ZFPM1: variants seen among roughly 807,000 people sequenced by gnomAD.
ZFPM1 encodes zinc finger protein, FOG family member 1.
A neutral mutation model predicts 46.3 loss-of-function variants in ZFPM1; 28 were observed. The ratio of observed to expected loss-of-function variants is 0.60; its 90% CI spans 0.45 to 0.83. ZFPM1 has a LOEUF of 0.83. Ranked by LOEUF, ZFPM1 falls within the 40% of genes least tolerant of loss-of-function variation. The probability of loss-of-function intolerance (pLI) is 0.00; values close to 1 mark genes in which losing one functional copy is unlikely to be tolerated. For synonymous variants in ZFPM1, 957 were observed against 675.9 expected (o/e 1.42, Z -6.45); for missense variants, 1,878 against 1,432.4 (o/e 1.31, Z -5.02).
At chr16:88,462,653 C>T (rs1406340725) in intron 1 of ZFPM1, among the ~76,000 whole-genome samples, 3 of 152,178 alleles carry the variant, frequency 2.0e-5, no homozygotes, top group African/African-American at 7.2e-5. Context: ...CCCTGTGGGC[C>T]GCCATGGTTG....
At chr16:88,526,713 G>A (rs555085114) in intron 4 of ZFPM1, 101 bp from the exon 5 acceptor site, 25 of 1,295,272 alleles carry the variant, frequency 1.9e-5, no homozygotes, top group South Asian at 5.6e-5. Context: ...CAGCCAAGCC[G>A]GGAGGCAGAT....
In ZFPM1 at chr16:88,469,636, G is replaced by A. The variant is rs553686749; in HGVS notation, c.40+15958G>A. 6.6e-6 allele frequency among the ~76,000 whole-genome samples: 1 copy of A among 152,344 alleles called. No individual in the cohort carries two copies. Among genetic ancestry groups the A allele is most frequent in the South Asian group, 2.1e-4 (1 of 4,830 alleles). ...TGGGTCTTGCTGGCAAGACCAGGAT[G>A]AGGCAGGCTCCGCCGGCCTGAGACC... On this transcript the variant is annotated intron_variant, in intron 1 of 9. Coordinates refer to ENST00000319555, the MANE Select transcript of ZFPM1 (RefSeq NM_153813.3). The surrounding 1 kb of genome is among the most constrained non-coding windows in gnomAD (Gnocchi z 4.3).
At position 88,528,166 on chromosome 16, in the gene ZFPM1, C is replaced by T. The variant is rs768930911; in HGVS notation, c.640C>T (p.Pro214Ser). 6.2e-7 allele frequency: 1 copy of T among 1,609,802 alleles called. No homozygotes were observed. The highest frequency in any genetic ancestry group is 8.5e-7 in the Non-Finnish European group (1 of 1,179,218). Residue 214 changes from proline (P) to serine (S), a missense_variant, in exon 6 of 10, where the codon CCT becomes TCT. Pro to Ser is a moderately conservative substitution (Grantham distance 74, BLOSUM62 -1). Transcript: ENST00000319555. ...KEPAEPTCPA[P>S]AHDLQLLPQQ... ...GCCAGCAGAGCCCACGTGCCCGGCC[C>T]CTGCACACGACCTCCAGCTCCTGCC... is the stretch of plus-strand genomic sequence containing the variant.
chr16:88,482,811 T>C (rs975256807), intron 1 of ZFPM1, among the ~76,000 whole-genome samples: 2 of 152,102 alleles, frequency 1.3e-5, no homozygotes, highest in Non-Finnish European at 2.9e-5. Flanking sequence ...AGCCCGGGCC[T>C]CTAGAAGGGG....
At chr16:88,495,115 C>T (rs1004896994) in intron 3 of ZFPM1, among the ~76,000 whole-genome samples, 7 of 152,194 alleles carry the variant, frequency 4.6e-5, no homozygotes, top group Admixed American at 3.9e-4. Flanking sequence ...ACTCCTGCCT[C>T]GGAAAATGGA....
intron 1 of ZFPM1, among the ~76,000 whole-genome samples, chr16:88,477,347 A>G (rs1242346205): frequency 1.3e-5 from 2 of 152,376 alleles, no homozygotes; most frequent in Non-Finnish European, 1.5e-5. Flanking sequence ...AAGAGAAGCA[A>G]GCACAGATTT....
Position 88,488,906 on chromosome 16 carries a change from G to A in ZFPM1, c.146-125G>A, listed in dbSNP as rs533824184. The A allele has an allele frequency of 3.8e-4, 536 of 1,424,278 alleles. 1 individual carries two copies. The African/African-American group carries it at 6.6e-3, about 18-fold the overall frequency. The allele number at this position is 1,424,278 out of a possible 1,614,324, so 88.2% of individuals were successfully genotyped here. ...CCAGTGAGAGCGCACCAGGAGATGGGGGTGGCTCTGGGCCCGAGCTCCCCA... is the reference window on the plus strand; with the variant it reads ...CCAGTGAGAGCGCACCAGGAGATGGAGGTGGCTCTGGGCCCGAGCTCCCCA... On this transcript the variant is annotated intron_variant, in intron 2 of 9. Transcript: ENST00000319555.
Position 88,532,099 on chromosome 16 carries a change from C to T in ZFPM1, c.810C>T (p.Thr270=), listed in dbSNP as rs911885792. 3.1e-6 allele frequency: 5 copies of T among 1,612,284 alleles called. No individual in the cohort carries two copies. The highest frequency in any genetic ancestry group is 2.7e-5 in the African/African-American group (2 of 74,918). ...LLYYCASRQG[T]GSPAAAATDE... is the part of the protein sequence containing the mutation. ...ACTACTGCGCCAGCCGCCAGGGCAC[C>T]GGCTCCCCGGCCGCAGCCGCCACAG... Residue 270 remains threonine, a synonymous_variant, in exon 7 of 10, where the codon ACC becomes ACT. Transcript: ENST00000319555.
rs959799353 is a variant in ZFPM1, at chr16:88,497,662, G to A, written c.268+8509G>A. 6.6e-6 allele frequency among the ~76,000 whole-genome samples: 1 copy of A among 152,132 alleles called. No homozygotes were observed. The highest frequency in any genetic ancestry group is 1.5e-5 in the Non-Finnish European group (1 of 68,008). On this transcript the variant is annotated intron_variant, in intron 3 of 9. Transcript: ENST00000319555. The surrounding 1 kb of genome is among the most constrained non-coding windows in gnomAD (Gnocchi z 5.4). ...GGGGTGTTCGTGCCGTGAGCGATCCGGTCCAGCATCCCGGCGCTGGGAGCC... is the reference window on the plus strand; with the variant it reads ...GGGGTGTTCGTGCCGTGAGCGATCCAGTCCAGCATCCCGGCGCTGGGAGCC...
chr16:88,511,865 C>G (rs1288600360), intron 3 of ZFPM1, among the ~76,000 whole-genome samples: 1 of 152,178 alleles, frequency 6.6e-6, no homozygotes, highest in Non-Finnish European at 1.5e-5. Context: ...CGTGCACAGC[C>G]CCTTGGAGAC....
chr16:88,519,844 T>C (rs1166024910), intron 4 of ZFPM1, among the ~76,000 whole-genome samples: 1 of 147,468 alleles, frequency 6.8e-6, no homozygotes, highest in Non-Finnish European at 1.5e-5. Context: ...AGATGGTGGG[T>C]AGATGGATGT....
intron 1 of ZFPM1, among the ~76,000 whole-genome samples, chr16:88,455,750 G>C (rs1416352666): frequency 6.6e-6 from 1 of 152,192 alleles, no homozygotes; most frequent in African/African-American, 2.4e-5. Context: ...GCTGAGATAG[G>C]CGCTTCCATT....
intron 2 of ZFPM1, 148 bp downstream of exon 2, chr16:88,486,191 G>A (rs750824525): frequency 1.8e-5 from 15 of 837,828 alleles, no homozygotes; most frequent in Non-Finnish European, 2.6e-5. Flanking sequence ...CCAGAGGCCT[G>A]TTGCCCGGAG....
In ZFPM1 at chr16:88,480,188, T is replaced by A. The variant is rs1050727892; in HGVS notation, c.41-5751T>A. 2.6e-5 allele frequency among the ~76,000 whole-genome samples: 4 copies of A among 151,952 alleles called. No individual in the cohort carries two copies. Among genetic ancestry groups the A allele is most frequent in the African/African-American group, 9.7e-5 (4 of 41,348 alleles). ...AGCCTCCTCCTCTCCCCATCCAGAT[T>A]GCCACCCACTTGCTACTTCCTCCAG... On this transcript the variant is annotated intron_variant, in intron 1 of 9. Transcript: ENST00000319555. This position sits in a 1 kb window ranked among gnomAD's most constrained non-coding sequence, Gnocchi z 4.9.
chr16:88,527,068 AGACACTCTACTGG>A (rs1912395511), intron 5 of ZFPM1, 152 bp downstream of exon 5: 1 of 1,291,950 alleles, frequency 7.7e-7, no homozygotes, highest in African/African-American at 1.5e-5. Flanking sequence ...AGCATGAGGC[AGACACTCTACTGG>A]GACCAGTCAG....
intron 1 of ZFPM1, among the ~76,000 whole-genome samples, chr16:88,474,811 G>T (rs889257579): frequency 2.0e-5 from 3 of 152,254 alleles, no homozygotes; most frequent in Non-Finnish European, 4.4e-5. Context: ...CCCCAGGGCT[G>T]TCGGGAACCC....
intron 3 of ZFPM1, among the ~76,000 whole-genome samples, chr16:88,489,888 A>G (rs1417791342): frequency 6.6e-6 from 1 of 151,546 alleles, no homozygotes; most frequent in East Asian, 1.9e-4. Context: ...CTGGGGTGGA[A>G]TCCCAGGGCT....
intron 3 of ZFPM1, among the ~76,000 whole-genome samples, chr16:88,503,221 C>G (rs2142405640): frequency 6.6e-6 from 1 of 151,662 alleles, no homozygotes; most frequent in South Asian, 2.1e-4. Context: ...GGATCTGTGT[C>G]TGGGGAGGGG....
intron 3 of ZFPM1, among the ~76,000 whole-genome samples, chr16:88,490,691 T>A (rs983470799): frequency 6.6e-6 from 1 of 151,788 alleles, no homozygotes; most frequent in African/African-American, 2.4e-5. Context: ...GAGAGAGGGG[T>A]GGGCCTGGGC....
Sources: allele counts gnomAD v4.1 joint callset (sites outside exome capture counted in the v4.1 genomes callset), GRCh38; gene constraint gnomAD v4.1.1; non-coding constraint Gnocchi (gnomAD v3.1); transcripts MANE v1.5; gene names NCBI Gene and HGNC (gene_info 2026-07-23, HGNC 2026-07-21).